Variants in CFAP77 observed in about 807,000 individuals in gnomAD.
CFAP77 encodes the protein cilia and flagella associated protein 77.
In CFAP77, 25 loss-of-function variants were observed where a neutral mutation model predicts 31.1. That is an observed-to-expected ratio of 0.80 (90% confidence interval 0.59 to 1.12). CFAP77 has a LOEUF of 1.12. CFAP77 is among the 50% of genes most tolerant of loss of function. The pLI, the probability that CFAP77 is intolerant of heterozygous loss-of-function variation, is 0.00. For synonymous variants in CFAP77, 151 were observed against 159.9 expected (o/e 0.94, Z 0.42); for missense variants, 377 against 397.3 (o/e 0.95, Z 0.44).
chr9:132,437,115 T>C (rs1168554182), intron 1 of CFAP77, among the ~76,000 whole-genome samples: 2 of 152,176 alleles, frequency 1.3e-5, no homozygotes, highest in Admixed American at 6.5e-5. Context: ...TGTAATACTA[T>C]TCAGGTAACT....
chr9:132,513,632 C>T (rs1336857365), intron 3 of CFAP77, among the ~76,000 whole-genome samples: 2 of 152,190 alleles, frequency 1.3e-5, no homozygotes, highest in East Asian at 1.9e-4. Context: ...TCACCCTGTC[C>T]CACTGTCTGA....
At chr9:132,534,813 A>G (rs552116876) in intron 3 of CFAP77, among the ~76,000 whole-genome samples, 1 of 152,116 alleles carries the variant, frequency 6.6e-6, no homozygotes, top group South Asian at 2.1e-4. Context: ...TGTCATATAG[A>G]GAGTGCTGTA....
At chr9:132,550,443 C>T (rs77467709) in intron 5 of CFAP77, among the ~76,000 whole-genome samples, 3,532 of 151,628 alleles carry the variant, frequency 0.023, 58 homozygotes, top group Middle Eastern at 0.082. Flanking sequence ...AATAAATCTC[C>T]GATGATCTAG....
chr9:132,462,327 T>C (rs1851065738), intron 1 of CFAP77, among the ~76,000 whole-genome samples: 1 of 152,206 alleles, frequency 6.6e-6, no homozygotes, highest in Admixed American at 6.5e-5. Flanking sequence ...TTGCTTGTTT[T>C]GTTTTTCCAC....
intron 5 of CFAP77, among the ~76,000 whole-genome samples, chr9:132,551,905 A>G (rs902771058): frequency 3.3e-5 from 5 of 152,200 alleles, no homozygotes; most frequent in African/African-American, 1.2e-4. Context: ...GAGGGATTTT[A>G]TGAGTGTCCA....
chr9:132,412,460 C>T (rs1208556982), intron 1 of CFAP77, among the ~76,000 whole-genome samples: 1 of 152,178 alleles, frequency 6.6e-6, no homozygotes, highest in African/African-American at 2.4e-5. Context: ...TATCTTATAA[C>T]TTTAGAGGTC....
At position 132,521,777 on chromosome 9, in the gene CFAP77, T is replaced by TG. The variant is rs1243033076; in HGVS notation, c.525-15824_525-15823insG. Among the ~76,000 whole-genome samples the TG allele has an allele frequency of 3.5e-3, 460 of 132,152 alleles. 11 individuals carry two copies. Among genetic ancestry groups the TG allele is most frequent in the Non-Finnish European group, 5.8e-3 (364 of 62,876 alleles). The allele number at this position is 132,152 out of a possible 152,430, so 86.7% of individuals were successfully genotyped here. A position where few individuals can be genotyped will look rare whatever the true frequency, so the allele number is the denominator to read the frequency against. On this transcript the variant is annotated intron_variant, in intron 3 of 5. Coordinates refer to ENST00000393216, the MANE Select transcript of CFAP77 (RefSeq NM_001282957.2). ...AATAGACTTGCTTTTTTTTTTTTTTTTTTTTTTGAGATGAAGTCTCACTCT... is the reference window on the plus strand; with the variant it reads ...AATAGACTTGCTTTTTTTTTTTTTTTGTTTTTTTGAGATGAAGTCTCACTCT...
intron 1 of CFAP77, among the ~76,000 whole-genome samples, chr9:132,496,688 A>T (rs920789954): frequency 1.3e-5 from 2 of 152,210 alleles, no homozygotes; most frequent in African/African-American, 2.4e-5. Flanking sequence ...AGTGCTGGGA[A>T]GGCAGGCTGA....
At chr9:132,521,778 T>TTTGTTTTG (rs1554747341) in intron 3 of CFAP77, among the ~76,000 whole-genome samples, 8 of 106,152 alleles carry the variant, frequency 7.5e-5, no homozygotes, top group East Asian at 4.3e-4. Flanking sequence ...TTTTTTTTTT[T>TTTGTTTTG]TTTTTTGAGA....
chr9:132,417,371 C>T (rs956798885), intron 1 of CFAP77, among the ~76,000 whole-genome samples: 3 of 152,198 alleles, frequency 2.0e-5, no homozygotes, highest in African/African-American at 4.8e-5. Context: ...CCTCGGCCTC[C>T]CAAATTGCTG....
chr9:132,466,585 C>T (rs533105226), intron 1 of CFAP77, among the ~76,000 whole-genome samples: 23 of 152,338 alleles, frequency 1.5e-4, no homozygotes, highest in African/African-American at 5.5e-4. Flanking sequence ...CCTGCACATC[C>T]GGTCCTTGGG....
Position 132,459,111 on chromosome 9 carries a change from G to A in CFAP77, c.196-39584G>A, listed in dbSNP as rs1406886643. Among the ~76,000 whole-genome samples the A allele has an allele frequency of 4.2e-5, 6 of 143,326 alleles. No homozygotes were observed. The East Asian group carries it at 1.0e-3, about 24-fold the overall frequency. The allele number at this position is 143,326 out of a possible 152,430, so 94.0% of individuals were successfully genotyped here. A position where few individuals can be genotyped will look rare whatever the true frequency, so the allele number is the denominator to read the frequency against. ...TTTTGAGACAGAGTCTCGCTCTGTT[G>A]CCCAGGCTGGAGTGCAGTGGCGTTA... On this transcript the variant is annotated intron_variant, in intron 1 of 5. Transcript: ENST00000393216.
intron 1 of CFAP77, among the ~76,000 whole-genome samples, chr9:132,423,078 G>A (rs561118465): frequency 5.3e-5 from 8 of 152,318 alleles, no homozygotes; most frequent in African/African-American, 1.4e-4. Context: ...TGGGCTTCGC[G>A]GCTGCCTCCA....
chr9:132,502,277 T>TG (rs140877509), intron 3 of CFAP77, among the ~76,000 whole-genome samples: 18,533 of 123,364 alleles, frequency 0.15, 1,384 homozygotes, highest in Admixed American at 0.17. Context: ...TTTTTTTTTT[T>TG]GGGGGAGGGG....
intron 3 of CFAP77, among the ~76,000 whole-genome samples, chr9:132,500,350 A>AGCACCT (rs1452895433): frequency 6.6e-6 from 1 of 152,148 alleles, no homozygotes; most frequent in Non-Finnish European, 1.5e-5. Context: ...AGATAACAGT[A>AGCACCT]GCACCTGTTT....
chr9:132,492,205 T>C (rs908321440), intron 1 of CFAP77, among the ~76,000 whole-genome samples: 3 of 152,178 alleles, frequency 2.0e-5, no homozygotes, highest in Non-Finnish European at 4.4e-5. Flanking sequence ...GGAGGATCAC[T>C]TGAGCCTGGA....
rs192169207 is a variant in CFAP77, at chr9:132,451,293, G to A, written c.195+40827G>A. ...GCGGAGGTTGCAGTGAGCTGAGATCGCGCCATTGCACTCCAGCCTGGGCAA... is the reference window on the plus strand; with the variant it reads ...GCGGAGGTTGCAGTGAGCTGAGATCACGCCATTGCACTCCAGCCTGGGCAA... On this transcript the variant is annotated intron_variant, in intron 1 of 5. Transcript: ENST00000393216. Among the ~76,000 whole-genome samples, 382 of 150,264 alleles carry A rather than the reference G, an allele frequency of 2.5e-3. 1 individual carries two copies. The highest frequency in any genetic ancestry group is 9.0e-3 in the African/African-American group (367 of 40,814).
intron 3 of CFAP77, among the ~76,000 whole-genome samples, chr9:132,536,845 G>T (rs966198069): frequency 2.0e-5 from 3 of 152,102 alleles, no homozygotes; most frequent in African/African-American, 7.2e-5. Context: ...GGTGCTTCCC[G>T]TGCTGCTCTG....
chr9:132,560,281 C>T (rs188490775), intron 5 of CFAP77, among the ~76,000 whole-genome samples: 52 of 152,304 alleles, frequency 3.4e-4, no homozygotes, highest in African/African-American at 1.3e-3. Context: ...TAATTGGCCA[C>T]CAAGGTCTGG....
Sources: allele counts gnomAD v4.1 joint callset (sites outside exome capture counted in the v4.1 genomes callset), GRCh38; gene constraint gnomAD v4.1.1; transcripts MANE v1.5; gene names NCBI Gene and HGNC (gene_info 2026-07-23, HGNC 2026-07-21).